Variants in OR13A1 observed in about 807,000 individuals in gnomAD.
The protein encoded by OR13A1 is olfactory receptor family 13 subfamily A member 1.
OR13A1 carries 10 observed loss-of-function variants against 7.5 expected under a neutral mutation model. The observed-to-expected ratio is 1.34, with a 90% confidence interval of 0.83 to 2.27. The LOEUF (loss-of-function observed/expected upper bound fraction) is 2.27. OR13A1 is among the 30% of genes most tolerant of loss of function. The probability of loss-of-function intolerance (pLI) is 0.00; values close to 1 mark genes in which losing one functional copy is unlikely to be tolerated. For missense variants in OR13A1, 509 were observed against 419.1 expected (o/e 1.21, Z -1.87); for synonymous variants, 238 against 177.9 (o/e 1.34, Z -2.69).
intron 1 of OR13A1, among the ~76,000 whole-genome samples, chr10:45,309,193 G>A (rs146581825): frequency 8.5e-5 from 13 of 152,218 alleles, no homozygotes; most frequent in African/African-American, 2.4e-5. Context: ...TGCTCAGAAC[G>A]TGTCCACACC....
At chr10:45,310,067 A>T (rs536002449) in intron 1 of OR13A1, among the ~76,000 whole-genome samples, 3 of 152,356 alleles carry the variant, frequency 2.0e-5, no homozygotes, top group East Asian at 1.9e-4. Context: ...TATTCCAAAA[A>T]ATTCTGCCTT....
At position 45,304,051 on chromosome 10, in the gene OR13A1, C is replaced by G. The variant is rs1588940711; in HGVS notation, c.372G>C (p.Trp124Cys). ...GCMAQLYFLT[W>C]AASSELLLLT... ...GGAGCAGCAGCTCTGAGGATGCAGC[C>G]CACGTGAGGAAATAGAGCTGGGCCA... Residue 124 changes from tryptophan (W) to cysteine (C), a missense_variant, in exon 4 of 4, where the codon TGG (tryptophan) becomes TGC (cysteine). Physicochemically the swap from Trp to Cys is radical, Grantham distance 215. Coordinates refer to ENST00000553795, the MANE Select transcript of OR13A1 (RefSeq NM_001004297.3). 3 of 1,613,516 alleles carry G rather than the reference C, an allele frequency of 1.9e-6. No homozygotes were observed. The highest frequency in any genetic ancestry group is 1.7e-5 in the Admixed American group (1 of 59,958).
At chr10:45,314,699 A>G (rs1216583872) in intron 1 of OR13A1, among the ~76,000 whole-genome samples, 2 of 152,162 alleles carry the variant, frequency 1.3e-5, no homozygotes, top group African/African-American at 4.8e-5. Context: ...AAAAGATTCA[A>G]CTAATAAATC....
At chr10:45,311,570 C>T (rs1032524692) in intron 1 of OR13A1, among the ~76,000 whole-genome samples, 7 of 151,158 alleles carry the variant, frequency 4.6e-5, no homozygotes, top group African/African-American at 1.7e-4. Context: ...GAGAATATGG[C>T]CATAGTGAGA....
At chr10:45,310,554 C>A (rs1420057403) in intron 1 of OR13A1, among the ~76,000 whole-genome samples, 1 of 152,114 alleles carries the variant, frequency 6.6e-6, no homozygotes, top group African/African-American at 2.4e-5. Flanking sequence ...CATTGCTTCA[C>A]CTAGCTGCCA....
intron 3 of OR13A1, among the ~76,000 whole-genome samples, chr10:45,305,440 C>T (rs900607779): frequency 6.6e-6 from 1 of 152,122 alleles, no homozygotes; most frequent in Non-Finnish European, 1.5e-5. Context: ...GAGTGCTAGA[C>T]CAGAGCTTGA....
chr10:45,313,851 GAAC>G (rs1402421949), intron 1 of OR13A1, among the ~76,000 whole-genome samples: 1 of 152,014 alleles, frequency 6.6e-6, no homozygotes, highest in Non-Finnish European at 1.5e-5. Flanking sequence ...ATAATGGCTA[GAAC>G]AACAAGACAG....
intron 3 of OR13A1, among the ~76,000 whole-genome samples, chr10:45,306,281 C>T (rs1188954593): frequency 1.3e-5 from 2 of 152,080 alleles, no homozygotes; most frequent in South Asian, 2.1e-4. Flanking sequence ...GGTGAAACCC[C>T]GTCTCTACTA....
Position 45,303,955 on chromosome 10 carries a change from C to T in OR13A1, c.468G>A (p.Lys156=), listed in dbSNP as rs774257085. 17 of 1,613,682 alleles carry T rather than the reference C, an allele frequency of 1.1e-5. No homozygotes were observed. The highest frequency in any genetic ancestry group is 1.4e-5 in the Non-Finnish European group (16 of 1,179,936). ...CTGTGGCCAGCCCGCTGCAGAACAC[C>T]TTGCTCATCATGCTGCTGTAATGCA... is the stretch of plus-strand genomic sequence containing the variant. ...HPLHYSSMMS[K]VFCSGLATAV... Residue 156 remains lysine, a synonymous_variant, in exon 4 of 4, where the codon AAG becomes AAA. Transcript: ENST00000553795.
intron 1 of OR13A1, among the ~76,000 whole-genome samples, chr10:45,309,824 C>A (rs1838407213): frequency 6.6e-6 from 1 of 152,162 alleles, no homozygotes; most frequent in Non-Finnish European, 1.5e-5. Context: ...TACTAAGCAG[C>A]ACTAAACTAA....
At chr10:45,309,164 G>A (rs151057071) in intron 1 of OR13A1, among the ~76,000 whole-genome samples, 1 of 152,292 alleles carries the variant, frequency 6.6e-6, no homozygotes, top group East Asian at 1.9e-4. Context: ...ATCTGGGTCA[G>A]GGCAGACCCA....
At chr10:45,306,949 T>G (rs1838343228) in intron 3 of OR13A1, among the ~76,000 whole-genome samples, 1 of 152,182 alleles carries the variant, frequency 6.6e-6, no homozygotes, top group South Asian at 2.1e-4. Flanking sequence ...AACTGTAACT[T>G]TATTTGCTCT....
chr10:45,306,749 G>A (rs1838338647), intron 3 of OR13A1, among the ~76,000 whole-genome samples: 1 of 152,232 alleles, frequency 6.6e-6, no homozygotes, highest in South Asian at 2.1e-4. Flanking sequence ...ATTAGCGTGG[G>A]GTATGATCAG....
chr10:45,304,004 C>G lies in OR13A1; in HGVS notation c.419G>C (p.Arg140Pro), dbSNP rs114434897. The change falls in exon 4 of 4, where the codon CGG (arginine) becomes CCG (proline). Residue 140 changes from arginine to proline, a missense_variant. Coordinates refer to ENST00000553795, the MANE Select transcript of OR13A1 (RefSeq NM_001004297.3). The stretch of plus-strand genomic sequence containing the variant: ...CAGCGGGTGGCAGATGGCTGCGTAC[C>G]GGTCATAGGCCATGACCGTGAGGAG... ...LLLLTVMAYD[R>P]YAAICHPLHY... The G allele has an allele frequency of 5.0e-6, 8 of 1,611,728 alleles. No homozygotes were observed. The highest frequency in any genetic ancestry group is 6.8e-6 in the Non-Finnish European group (8 of 1,178,518).
chr10:45,304,821 G>C (rs753000584), intron 3 of OR13A1, among the ~76,000 whole-genome samples: 13 of 152,132 alleles, frequency 8.5e-5, no homozygotes, highest in Non-Finnish European at 1.6e-4. Context: ...ATAATAAAAA[G>C]CATCCTGAAG....
Position 45,304,095 on chromosome 10 carries a change from T to G in OR13A1, c.328A>C (p.Ile110Leu). The change falls in exon 4 of 4, where the codon ATC becomes CTC. Residue 110 changes from isoleucine (I) to leucine (L), a missense_variant. Ile to Leu is a conservative substitution (Grantham distance 5). Coordinates refer to ENST00000553795, the MANE Select transcript of OR13A1 (RefSeq NM_001004297.3). ...LASLVSEESS[I>L]SYGGCMAQLY... ...TGGGCCATGCAGCCCCCGTAGGAGA[T>G]GGAGCTCTCTTCCGACACCAGACTG... 6.2e-7 allele frequency: 1 copy of G among 1,614,106 alleles called. No homozygotes were observed. The highest frequency in any genetic ancestry group is 8.5e-7 in the Non-Finnish European group (1 of 1,179,980).
At chr10:45,314,597 T>C (rs532289194) in intron 1 of OR13A1, among the ~76,000 whole-genome samples, 3 of 151,518 alleles carry the variant, frequency 2.0e-5, no homozygotes, top group South Asian at 2.1e-4. Flanking sequence ...ATATAGAATA[T>C]AAAAACAATA....
Position 45,304,122 on chromosome 10 carries a change from C to G in OR13A1, c.301G>C (p.Ala101Pro). ...GAGCTCTCTTCCGACACCAGACTGG[C>G]CAGCGCCTTGGGCATGATGGAAGAG... ...CTSSIMPKALASLVSEESSIS... is the reference protein window; with the variant it reads ...CTSSIMPKALPSLVSEESSIS... Residue 101 changes from alanine to proline, a missense_variant, in exon 4 of 4, where the codon GCC becomes CCC. Ala to Pro is a conservative substitution (Grantham distance 27). Coordinates refer to ENST00000553795, the MANE Select transcript of OR13A1 (RefSeq NM_001004297.3). 6.2e-7 allele frequency: 1 copy of G among 1,614,146 alleles called. No homozygotes were observed. The highest frequency in any genetic ancestry group is 8.5e-7 in the Non-Finnish European group (1 of 1,180,000).
At chr10:45,305,784 T>A (rs898976413) in intron 3 of OR13A1, among the ~76,000 whole-genome samples, 4 of 152,246 alleles carry the variant, frequency 2.6e-5, no homozygotes, top group Admixed American at 6.5e-5. Context: ...ACCAGGGACA[T>A]AATCAGCCCC....
Sources: gnomAD v4.1 joint callset for allele counts (sites outside exome capture counted in the v4.1 genomes callset) on GRCh38, gnomAD v4.1.1 for gene constraint, MANE v1.5 for transcripts, NCBI Gene and HGNC (gene_info 2026-07-23, HGNC 2026-07-21) for gene names.